CRYBG1: variants seen among roughly 807,000 people sequenced by gnomAD.
The protein encoded by CRYBG1 is beta/gamma crystallin domain-containing protein 1.
CRYBG1 carries 139 observed loss-of-function variants against 189.2 expected under a neutral mutation model. The ratio of observed to expected loss-of-function variants is 0.73; its 90% CI spans 0.64 to 0.85. The LOEUF is 0.85. Ranked by LOEUF, CRYBG1 falls within the 40% of genes least tolerant of loss-of-function variation. The pLI is 0.00. For synonymous variants in CRYBG1, 1,023 were observed against 1,017.1 expected (o/e 1.01, Z -0.11); for missense variants, 2,611 against 2,675.8 (o/e 0.98, Z 0.53).
At chr6:106,549,735 T>G (rs1774354884) in intron 13 of CRYBG1, among the ~76,000 whole-genome samples, 1 of 152,056 alleles carries the variant, frequency 6.6e-6, no homozygotes, top group Admixed American at 6.6e-5. Flanking sequence ...TGGGAGTGAG[T>G]GCACAGATGT....
intron 1 of CRYBG1, among the ~76,000 whole-genome samples, chr6:106,398,754 T>G (rs528373843): frequency 1.3e-5 from 2 of 152,306 alleles, no homozygotes; most frequent in South Asian, 2.1e-4. Flanking sequence ...ATCAACCCCC[T>G]TCTTCTCTTT....
intron 7 of CRYBG1, among the ~76,000 whole-genome samples, chr6:106,528,286 A>C (rs1393373031): frequency 3.9e-5 from 6 of 152,238 alleles, no homozygotes; most frequent in Non-Finnish European, 8.8e-5. Context: ...ATACGAGAAG[A>C]CTAAGTAAGA....
chr6:106,416,782 C>T (rs1262674812), intron 1 of CRYBG1, among the ~76,000 whole-genome samples: 2 of 152,114 alleles, frequency 1.3e-5, no homozygotes, highest in African/African-American at 4.8e-5. Context: ...ACATAAAAGA[C>T]ACTTGTGATA....
At chr6:106,428,493 CTT>C (rs962592594) in intron 1 of CRYBG1, among the ~76,000 whole-genome samples, 36 of 152,148 alleles carry the variant, frequency 2.4e-4, no homozygotes, top group South Asian at 1.0e-3. Flanking sequence ...TTCTGGGAAA[CTT>C]ATAAGAATTA....
At chr6:106,412,593 G>A (rs747896407) in intron 1 of CRYBG1, among the ~76,000 whole-genome samples, 10 of 152,166 alleles carry the variant, frequency 6.6e-5, no homozygotes, top group Non-Finnish European at 1.5e-4. Context: ...TGTCATTGTT[G>A]CCAGGTTATG....
At chr6:106,537,281 G>A (rs558382988) in intron 8 of CRYBG1, among the ~76,000 whole-genome samples, 81 of 152,276 alleles carry the variant, frequency 5.3e-4, no homozygotes, top group African/African-American at 1.1e-3. Context: ...CTCGTGAGCC[G>A]TACATTCAGT....
intron 1 of CRYBG1, among the ~76,000 whole-genome samples, chr6:106,418,647 T>G (rs1035682351): frequency 6.6e-6 from 1 of 152,200 alleles, no homozygotes; most frequent in Admixed American, 6.5e-5. Context: ...GGTTCATAAT[T>G]GTAGATTCAG....
chr6:106,527,497 T>C, intron 7 of CRYBG1, 27 bp downstream of exon 7: 1 of 1,590,782 alleles, frequency 6.3e-7, no homozygotes, highest in Non-Finnish European at 8.6e-7. Context: ...ATGGATTTTA[T>C]TTATTCAGCT....
At chr6:106,464,345 T>C (rs1005356678) in intron 2 of CRYBG1, among the ~76,000 whole-genome samples, 1 of 151,910 alleles carries the variant, frequency 6.6e-6, no homozygotes, top group African/African-American at 2.4e-5. Context: ...TACAAAAAAT[T>C]AGCCGGGCAT....
intron 1 of CRYBG1, among the ~76,000 whole-genome samples, chr6:106,397,135 G>T (rs190318675): frequency 2.0e-3 from 305 of 152,266 alleles, no homozygotes; most frequent in Non-Finnish European, 3.5e-3. Flanking sequence ...TTACTAACGT[G>T]TAATTGGCAA....
At chr6:106,488,619 T>C (rs952184709) in intron 2 of CRYBG1, among the ~76,000 whole-genome samples, 1 of 151,700 alleles carries the variant, frequency 6.6e-6, no homozygotes, top group Admixed American at 6.6e-5. Context: ...CTCTCTCTGG[T>C]GGGGTGGGCT....
Position 106,512,990 on chromosome 6 carries a change from A to C in CRYBG1, c.1873A>C (p.Arg625=), listed in dbSNP as rs781145960. 12 of 1,610,378 alleles carry C rather than the reference A, an allele frequency of 7.5e-6. No homozygotes were observed. Among genetic ancestry groups the C allele is most frequent in the Admixed American group, 1.7e-5 (1 of 59,968 alleles). The change falls in exon 3 of 22, where the codon AGG becomes CGG. Residue 625 remains arginine (R), a synonymous_variant. Transcript: ENST00000633556. Reference sequence around the variant, plus strand: ...TTCTGACGCCGACGGCTTGAAGCCCAGGAACCATTTCGGCGTGGGCAGGTC... The same window carrying C: ...TTCTGACGCCGACGGCTTGAAGCCCCGGAACCATTTCGGCGTGGGCAGGTC... ...GASDADGLKP[R]NHFGVGRSTV...
intron 1 of CRYBG1, among the ~76,000 whole-genome samples, chr6:106,367,584 T>TAAAAAAA (rs35734014): frequency 9.7e-6 from 1 of 103,380 alleles, no homozygotes; most frequent in Non-Finnish European, 1.8e-5. Context: ...AGACTCTGTC[T>TAAAAAAA]AAAAAAAAAA....
chr6:106,376,030 A>G (rs1039357014), intron 1 of CRYBG1, among the ~76,000 whole-genome samples: 1 of 152,242 alleles, frequency 6.6e-6, no homozygotes, highest in African/African-American at 2.4e-5. Flanking sequence ...ATCTTATTGC[A>G]TGTAACATTT....
At chr6:106,493,231 C>T (rs935118839) in intron 2 of CRYBG1, among the ~76,000 whole-genome samples, 1 of 152,094 alleles carries the variant, frequency 6.6e-6, no homozygotes, top group South Asian at 2.1e-4. Context: ...AAATAAATGG[C>T]TAACATGCAT....
intron 1 of CRYBG1, among the ~76,000 whole-genome samples, chr6:106,414,092 T>A (rs1322184194): frequency 1.3e-5 from 2 of 152,260 alleles, no homozygotes; most frequent in Non-Finnish European, 2.9e-5. Flanking sequence ...CTGGTTTTCC[T>A]TCATCCAGTG....
At chr6:106,537,178 T>C (rs923167749) in intron 8 of CRYBG1, among the ~76,000 whole-genome samples, 3 of 152,322 alleles carry the variant, frequency 2.0e-5, no homozygotes, top group East Asian at 3.9e-4. Flanking sequence ...TAGTATTAGA[T>C]GAATAAATCC....
intron 2 of CRYBG1, among the ~76,000 whole-genome samples, chr6:106,501,769 G>A (rs1308861438): frequency 1.3e-5 from 2 of 152,190 alleles, no homozygotes; most frequent in African/African-American, 4.8e-5. Context: ...CAAAGTGTTG[G>A]TAGAAAGTCA....
chr6:106,436,284 A>T (rs2114413315), intron 1 of CRYBG1, among the ~76,000 whole-genome samples: 1 of 138,684 alleles, frequency 7.2e-6, no homozygotes, highest in African/African-American at 2.8e-5. Flanking sequence ...AACATCGTTG[A>T]CATGCAATCT....
Sources: gnomAD v4.1 joint callset for allele counts (sites outside exome capture counted in the v4.1 genomes callset) on GRCh38, gnomAD v4.1.1 for gene constraint, MANE v1.5 for transcripts, NCBI Gene and HGNC (gene_info 2026-07-23, HGNC 2026-07-21) for gene names.